Variants in CNTNAP5 observed in about 807,000 individuals in gnomAD.
CNTNAP5 encodes the protein contactin associated protein family member 5.
A neutral mutation model predicts 150.2 loss-of-function variants in CNTNAP5; 72 were observed. That is an observed-to-expected ratio of 0.48 (90% confidence interval 0.40 to 0.58). The LOEUF (loss-of-function observed/expected upper bound fraction) is 0.58. Ranked by LOEUF, CNTNAP5 falls within the 20% of genes least tolerant of loss-of-function variation. CNTNAP5 has a pLI of 0.00. For synonymous variants in CNTNAP5, 672 were observed against 619.8 expected, an observed-to-expected ratio of 1.08 and a Z score of -1.25; for missense variants, 1,636 against 1,626.2, an observed-to-expected ratio of 1.01 and a Z score of -0.10.
intron 4 of CNTNAP5, among the ~76,000 whole-genome samples, chr2:124,432,502 G>A (rs1166456713): frequency 1.3e-5 from 2 of 152,136 alleles, no homozygotes; most frequent in African/African-American, 4.8e-5. Flanking sequence ...AGTTCAGTTA[G>A]CATTACTGTG....
intron 12 of CNTNAP5, among the ~76,000 whole-genome samples, chr2:124,611,651 A>G (rs1223636901): frequency 1.3e-5 from 2 of 152,228 alleles, no homozygotes; most frequent in Non-Finnish European, 2.9e-5. Flanking sequence ...AGAAATTCCA[A>G]TTCAGTAAAT....
intron 13 of CNTNAP5, among the ~76,000 whole-genome samples, chr2:124,661,460 C>T (rs1678589128): frequency 6.6e-6 from 1 of 152,094 alleles, no homozygotes; most frequent in East Asian, 1.9e-4. Flanking sequence ...CATCTTGTCC[C>T]ATTGGTAGGT....
Position 124,074,202 on chromosome 2 carries a change from G to A in CNTNAP5, c.82+48470G>A, listed in dbSNP as rs146207182. 1.2e-4 allele frequency among the ~76,000 whole-genome samples: 18 copies of A among 152,108 alleles called. No individual in the cohort carries two copies. The East Asian group carries it at 3.3e-3, about 28-fold the overall frequency. On this transcript the variant is annotated intron_variant, in intron 1 of 23. Transcript: ENST00000682447. Reference sequence around the variant, plus strand: ...TTATCAGAGGCTGGGAAGGGTAGTGGGGATAGTGGAAGGCATGTGCTGGTT... The same window carrying A: ...TTATCAGAGGCTGGGAAGGGTAGTGAGGATAGTGGAAGGCATGTGCTGGTT...
chr2:124,069,802 A>G (rs144165383), intron 1 of CNTNAP5, among the ~76,000 whole-genome samples: 3 of 152,312 alleles, frequency 2.0e-5, no homozygotes, highest in African/African-American at 4.8e-5. Context: ...GAGTTCCTCA[A>G]TCTGAAAGAA....
intron 1 of CNTNAP5, among the ~76,000 whole-genome samples, chr2:124,127,491 A>T (rs566388946): frequency 6.6e-6 from 1 of 152,312 alleles, no homozygotes; most frequent in East Asian, 1.9e-4. Flanking sequence ...TGCCCAAGGT[A>T]ATTTATAGAT....
chr2:124,354,133 A>C (rs1449728515), intron 3 of CNTNAP5, among the ~76,000 whole-genome samples: 1 of 152,224 alleles, frequency 6.6e-6, no homozygotes, highest in Non-Finnish European at 1.5e-5. Flanking sequence ...AACAAAAACA[A>C]AAAACATGGA....
At chr2:124,623,512 G>A (rs1393479525) in intron 12 of CNTNAP5, among the ~76,000 whole-genome samples, 8 of 152,302 alleles carry the variant, frequency 5.3e-5, no homozygotes, top group African/African-American at 1.4e-4. Flanking sequence ...GGGGACATGA[G>A]TAAAACCCTC....
intron 12 of CNTNAP5, among the ~76,000 whole-genome samples, chr2:124,635,842 G>A (rs1045138562): frequency 5.3e-5 from 8 of 152,190 alleles, no homozygotes; most frequent in East Asian, 3.9e-4. Context: ...GCAGGCTCAC[G>A]TCACAGGAAC....
At chr2:124,081,411 T>C (rs1682556594) in intron 1 of CNTNAP5, among the ~76,000 whole-genome samples, 1 of 152,188 alleles carries the variant, frequency 6.6e-6, no homozygotes, top group African/African-American at 2.4e-5. Context: ...GTGAAACAAT[T>C]TCCTAACTGC....
At chr2:124,561,425 G>A (rs1000050006) in intron 10 of CNTNAP5, among the ~76,000 whole-genome samples, 28 of 152,112 alleles carry the variant, frequency 1.8e-4, no homozygotes, top group African/African-American at 6.8e-4. Context: ...CAGGATCTCT[G>A]AGTTACCCAA....
intron 21 of CNTNAP5, among the ~76,000 whole-genome samples, chr2:124,872,681 A>G (rs1677776835): frequency 6.6e-6 from 1 of 151,846 alleles, no homozygotes; most frequent in South Asian, 2.1e-4. Flanking sequence ...AATATCATTA[A>G]CCAAATTAAA....
intron 1 of CNTNAP5, among the ~76,000 whole-genome samples, chr2:124,106,951 G>C (rs972227970): frequency 6.6e-6 from 1 of 151,204 alleles, no homozygotes; most frequent in Non-Finnish European, 1.5e-5. Context: ...ATTGGTGTGA[G>C]GGAAAAAAAA....
intron 21 of CNTNAP5, among the ~76,000 whole-genome samples, chr2:124,876,576 T>C (rs1382864703): frequency 6.6e-6 from 1 of 151,934 alleles, no homozygotes; most frequent in Non-Finnish European, 1.5e-5. Context: ...TGAAAAATAA[T>C]AGTTGAGCTA....
intron 6 of CNTNAP5, among the ~76,000 whole-genome samples, chr2:124,452,515 C>A (rs1693010301): frequency 6.6e-6 from 1 of 152,268 alleles, no homozygotes; most frequent in African/African-American, 2.4e-5. Flanking sequence ...CCCTGGCCAC[C>A]ACCTGTTCCT....
chr2:124,890,597 A>G (rs1203503763), intron 21 of CNTNAP5, among the ~76,000 whole-genome samples: 1 of 152,142 alleles, frequency 6.6e-6, no homozygotes, highest in Non-Finnish European at 1.5e-5. Context: ...GTCACCATCC[A>G]TTCGTCAATT....
intron 6 of CNTNAP5, 117 bp from the exon 7 acceptor site, chr2:124,474,622 T>A: frequency 1.3e-6 from 1 of 757,884 alleles, no homozygotes; most frequent in Admixed American, 3.5e-5. Context: ...CTATAATTAT[T>A]TGAGCCATTT....
chr2:124,588,788 G>A (rs919592956), intron 11 of CNTNAP5, among the ~76,000 whole-genome samples: 2 of 152,058 alleles, frequency 1.3e-5, no homozygotes, highest in Non-Finnish European at 2.9e-5. Flanking sequence ...TGGTTTTTAA[G>A]AAGAAAATGA....
chr2:124,562,282 T>G (rs2104929761), intron 10 of CNTNAP5, among the ~76,000 whole-genome samples: 1 of 152,362 alleles, frequency 6.6e-6, no homozygotes, highest in Non-Finnish European at 1.5e-5. Context: ...CTTAAACTTT[T>G]ACTTAATCTA....
At chr2:124,388,195 T>C (rs1690982466) in intron 3 of CNTNAP5, among the ~76,000 whole-genome samples, 1 of 152,180 alleles carries the variant, frequency 6.6e-6, no homozygotes, top group Admixed American at 6.5e-5. Flanking sequence ...GCATCATGTC[T>C]CAGGGGCAGG....
Sources: gnomAD v4.1 joint callset for allele counts (sites outside exome capture counted in the v4.1 genomes callset) on GRCh38, gnomAD v4.1.1 for gene constraint, MANE v1.5 for transcripts, NCBI Gene and HGNC (gene_info 2026-07-23, HGNC 2026-07-21) for gene names.